The following ARF3 variants were observed in gnomAD, a reference collection of about 807,000 sequenced individuals.
The protein encoded by ARF3 is ADP-ribosylation factor 3.
Under a neutral mutation model 19.3 loss-of-function variants are expected in ARF3, and 5 were observed. That is an observed-to-expected ratio of 0.26 (90% CI 0.14 to 0.54). The LOEUF is 0.54. Among genes scored for constraint, ARF3 ranks in the 20% least tolerant of loss-of-function variants. The probability of loss-of-function intolerance (pLI) is 0.95; values close to 1 mark genes in which losing one functional copy is unlikely to be tolerated. For synonymous variants in ARF3, 71 were observed against 89.2 expected (o/e 0.80, Z 1.15); for missense variants, 77 against 234.2 (o/e 0.33, Z 4.38).
rs188617467 is a variant in ARF3, at chr12:48,950,968, G to A, written c.-94+6342C>T. On this transcript the variant is annotated intron_variant, in intron 1 of 4. Transcript: ENST00000256682. ...ACGCCCGGCTAATTTTTTGTATTTA[G>A]TAGAGACAGGGTCTCACCATGTTGG... Among the ~76,000 whole-genome samples, 11 of 151,958 alleles carry A rather than the reference G, an allele frequency of 7.2e-5. No homozygotes were observed. In the East Asian group the frequency reaches 2.1e-3, roughly 30 times the overall value.
intron 1 of ARF3, among the ~76,000 whole-genome samples, chr12:48,951,777 G>A (rs1192093236): frequency 6.6e-6 from 1 of 151,894 alleles, no homozygotes; most frequent in Non-Finnish European, 1.5e-5. Context: ...TACTCCATAA[G>A]CTGAGGCAGG....
chr12:48,944,322 C>A (rs1419124745), intron 1 of ARF3, among the ~76,000 whole-genome samples: 1 of 152,220 alleles, frequency 6.6e-6, no homozygotes, highest in Non-Finnish European at 1.5e-5. Flanking sequence ...GTACACTGTC[C>A]TTTGATTTGC....
In ARF3 at chr12:48,939,172, C is replaced by T. The variant is rs1762265363; in HGVS notation, c.385-64G>A. ...ATTTTTTAAAGGCTTCTAGAACACC[C>T]ATCTACCAAAGAAATGTGTACCAGC... On this transcript the variant is annotated intron_variant, in intron 4 of 4. Coordinates refer to ENST00000256682, the MANE Select transcript of ARF3 (RefSeq NM_001659.3). This position sits in a 1 kb window ranked among gnomAD's most constrained non-coding sequence, Gnocchi z 4.8. The T allele has an allele frequency of 3.9e-6, 6 of 1,540,240 alleles. No individual in the cohort carries two copies. Among genetic ancestry groups the T allele is most frequent in the Non-Finnish European group, 4.4e-6 (5 of 1,133,914 alleles).
At chr12:48,940,378 C>T (rs1369879838) in intron 2 of ARF3, among the ~76,000 whole-genome samples, 2 of 152,212 alleles carry the variant, frequency 1.3e-5, no homozygotes, top group Non-Finnish European at 2.9e-5. Context: ...CTTTTCCACT[C>T]AGTCTTTGGT....
intron 1 of ARF3, among the ~76,000 whole-genome samples, chr12:48,946,994 G>T (rs1348503847): frequency 6.6e-6 from 1 of 152,196 alleles, no homozygotes; most frequent in African/African-American, 2.4e-5. Flanking sequence ...CTGCTGCCAG[G>T]CAGAGTGCAG....
rs1268807517 is a variant in ARF3, at chr12:48,937,879, G to C, written c.*1068C>G. On this transcript the variant is annotated 3_prime_UTR_variant, in exon 5 of 5. Transcript: ENST00000256682. ...AGATCAGAAGGGTGGTGGGGCACTGGAAGGCAGGAATGGGATTGGCCCATG... is the reference window on the plus strand; with the variant it reads ...AGATCAGAAGGGTGGTGGGGCACTGCAAGGCAGGAATGGGATTGGCCCATG... The C allele has an allele frequency of 6.4e-6, 1 of 156,004 alleles. No homozygotes were observed. The highest frequency in any genetic ancestry group is 2.4e-5 in the African/African-American group (1 of 41,522). The allele number at this position is 156,004 out of a possible 1,614,324, so 9.7% of individuals were successfully genotyped here. A position where few individuals can be genotyped will look rare whatever the true frequency, so the allele number is the denominator to read the frequency against.
At chr12:48,945,853 G>A (rs1198109498) in intron 1 of ARF3, among the ~76,000 whole-genome samples, 3 of 152,146 alleles carry the variant, frequency 2.0e-5, no homozygotes, top group Non-Finnish European at 4.4e-5. Context: ...CACCCAGGCT[G>A]GAGTGCAGAG....
chr12:48,949,897 T>C (rs1465872913), intron 1 of ARF3, among the ~76,000 whole-genome samples: 1 of 152,048 alleles, frequency 6.6e-6, no homozygotes, highest in Non-Finnish European at 1.5e-5. Flanking sequence ...AGCCTTTGGA[T>C]GTTGATGATG....
rs1351061352 is a variant in ARF3 at position 48,937,382 on chromosome 12, G to A, written c.*1565C>T. On this transcript the variant is annotated 3_prime_UTR_variant, in exon 5 of 5. Transcript: ENST00000256682. ...ACACAGGAGCCCACAGGACAGCCAC[G>A]TCTTCACAGAAACTACAGAAGTCAG... 3.9e-5 allele frequency: 6 copies of A among 152,606 alleles called. No homozygotes were observed. Among genetic ancestry groups the A allele is most frequent in the East Asian group, 1.9e-4 (1 of 5,206 alleles). 9.5% of individuals were successfully genotyped at this position (152,606 alleles called of 1,614,324 possible).
In ARF3 at chr12:48,939,838, A is replaced by G. The variant is rs1940219678; in HGVS notation, c.260-59T>C. On this transcript the variant is annotated intron_variant, in intron 3 of 4. Coordinates refer to ENST00000256682, the MANE Select transcript of ARF3 (RefSeq NM_001659.3). The surrounding 1 kb of genome is among the most constrained non-coding windows in gnomAD (Gnocchi z 4.8). Reference sequence around the variant, plus strand: ...ACAGGTAACCCCCTCCCCCCAACCAAAAGACCACACCTGCCTGACACCCTC... The same window carrying G: ...ACAGGTAACCCCCTCCCCCCAACCAGAAGACCACACCTGCCTGACACCCTC... 6.2e-7 allele frequency: 1 copy of G among 1,609,842 alleles called. No homozygotes were observed. The highest frequency in any genetic ancestry group is 1.7e-5 in the Admixed American group (1 of 59,920).
At position 48,955,803 on chromosome 12, in the gene ARF3, G is replaced by C. The variant is rs996876092; in HGVS notation, c.-94+1507C>G. On this transcript the variant is annotated intron_variant, in intron 1 of 4. Coordinates refer to ENST00000256682, the MANE Select transcript of ARF3 (RefSeq NM_001659.3). ...AGACAACTATAAAAATTCTAACTATGCAAGGTAATAATTCTATGCTGGGAA... is the reference window on the plus strand; with the variant it reads ...AGACAACTATAAAAATTCTAACTATCCAAGGTAATAATTCTATGCTGGGAA... 2.0e-5 allele frequency: 3 copies of C among 152,180 alleles called. No individual in the cohort carries two copies. In the East Asian group the frequency reaches 5.8e-4, roughly 29 times the overall value. 9.4% of individuals were successfully genotyped at this position (152,180 alleles called of 1,614,324 possible).
intron 1 of ARF3, among the ~76,000 whole-genome samples, chr12:48,943,910 T>C (rs374009210): frequency 9.1e-4 from 139 of 152,262 alleles, no homozygotes; most frequent in African/African-American, 3.2e-3. Context: ...CCTTCCTCCC[T>C]ACTCTTCCTG....
At chr12:48,955,176 AAT>A (rs1189374062) in intron 1 of ARF3, among the ~76,000 whole-genome samples, 2 of 152,206 alleles carry the variant, frequency 1.3e-5, no homozygotes, top group Non-Finnish European at 2.9e-5. Context: ...CACACACTAC[AAT>A]ATGACTCTTT....
chr12:48,943,833 G>A (rs1363686103), intron 1 of ARF3, among the ~76,000 whole-genome samples: 2 of 152,080 alleles, frequency 1.3e-5, no homozygotes, highest in East Asian at 1.9e-4. Flanking sequence ...TGACCTAGAG[G>A]GTTCACACAC....
chr12:48,938,922 G>T lies in ARF3; in HGVS notation c.*25C>A, dbSNP rs1336274525. 1.2e-6 allele frequency: 2 copies of T among 1,607,204 alleles called. No individual in the cohort carries two copies. Among genetic ancestry groups the T allele is most frequent in the South Asian group, 2.2e-5 (2 of 90,550 alleles). On this transcript the variant is annotated 3_prime_UTR_variant, in exon 5 of 5. Coordinates refer to ENST00000256682, the MANE Select transcript of ARF3 (RefSeq NM_001659.3). ...AGTAGGTATGTCAGGGGTGGGTGGG[G>T]TGCTTTGTTAGGGCTGTCTGGCTTT... is the stretch of plus-strand genomic sequence containing the variant.
chr12:48,938,499 C>G lies in ARF3; in HGVS notation c.*448G>C, dbSNP rs1282647832. 2.2e-6 allele frequency: 1 copy of G among 450,682 alleles called. No homozygotes were observed. The highest frequency in any genetic ancestry group is 2.4e-5 in the Admixed American group (1 of 42,138). 27.9% of individuals were successfully genotyped at this position (450,682 alleles called of 1,614,324 possible). A position where few individuals can be genotyped will look rare whatever the true frequency, so the allele number is the denominator to read the frequency against. Reference sequence around the variant, plus strand: ...ACAGGCGCACACATGCACGCAAACACAGAGAGGCCCGTGCAATTTCCATGT... The same window carrying G: ...ACAGGCGCACACATGCACGCAAACAGAGAGAGGCCCGTGCAATTTCCATGT... On this transcript the variant is annotated 3_prime_UTR_variant, in exon 5 of 5. Coordinates refer to ENST00000256682, the MANE Select transcript of ARF3 (RefSeq NM_001659.3).
At chr12:48,949,793 C>T (rs2137591066) in intron 1 of ARF3, among the ~76,000 whole-genome samples, 1 of 152,276 alleles carries the variant, frequency 6.6e-6, no homozygotes, top group South Asian at 2.1e-4. Context: ...AGTCCTCCCA[C>T]CTCAGCCTCC....
In ARF3 at chr12:48,938,877, T is replaced by C. The variant is rs988874173; in HGVS notation, c.*70A>G. The C allele has an allele frequency of 5.9e-5, 92 of 1,560,228 alleles. No homozygotes were observed. The highest frequency in any genetic ancestry group is 7.8e-5 in the Non-Finnish European group (90 of 1,149,814). ...CCACACTTGCATGGAGAGGAAGGGG[T>C]AGGACTGGGGCAGGGTGACAGTAGG... On this transcript the variant is annotated 3_prime_UTR_variant, in exon 5 of 5. Transcript: ENST00000256682.
rs1359460819 is a variant in ARF3, at chr12:48,935,806, A to C, written c.*3141T>G. The stretch of plus-strand genomic sequence containing the variant: ...TCTCTGTTCAAACTAGAAGCACCTC[A>C]TGTGCAAGGCTGAGGAGATCTGAGA... On this transcript the variant is annotated 3_prime_UTR_variant, in exon 5 of 5. Coordinates refer to ENST00000256682, the MANE Select transcript of ARF3 (RefSeq NM_001659.3). 6.6e-6 allele frequency: 1 copy of C among 152,236 alleles called. No homozygotes were observed. The highest frequency in any genetic ancestry group is 2.4e-5 in the African/African-American group (1 of 41,460). 9.4% of individuals were successfully genotyped at this position (152,236 alleles called of 1,614,324 possible). A position where few individuals can be genotyped will look rare whatever the true frequency, so the allele number is the denominator to read the frequency against.
Sources: allele counts gnomAD v4.1 joint callset (sites outside exome capture counted in the v4.1 genomes callset), GRCh38; gene constraint gnomAD v4.1.1; non-coding constraint Gnocchi (gnomAD v3.1); transcripts MANE v1.5; gene names NCBI Gene and HGNC (gene_info 2026-07-23, HGNC 2026-07-21).